POLR2M: variants seen among roughly 807,000 people sequenced by gnomAD.
POLR2M encodes the protein RNA polymerase II subunit M, also known as protein GRINL1A.
A neutral mutation model predicts 34.6 loss-of-function variants in POLR2M; 30 were observed. That is an observed-to-expected ratio of 0.87 (90% CI 0.65 to 1.18). POLR2M has a LOEUF of 1.18. Among genes scored for constraint, POLR2M ranks in the 50% most tolerant of loss-of-function variants. The pLI is 0.00. For missense variants in POLR2M, 432 were observed against 448.7 expected (o/e 0.96, Z 0.34); for synonymous variants, 150 against 166.7 (o/e 0.90, Z 0.77).
chr15:57,708,783 C>T lies in POLR2M; in HGVS notation c.183C>T (p.Ala61=), dbSNP rs1062707. Residue 61 remains alanine (A), a synonymous_variant, in exon 2 of 4, where the codon GCC becomes GCT. Coordinates refer to ENST00000299638, the MANE Select transcript of POLR2M (RefSeq NM_015532.5). The part of the protein sequence containing the change: ...IFDSFAKLKA[A]IAECEEVRRK... ...ACTCTTTTGCCAAACTGAAAGCTGC[C>T]ATTGCAGAATGTGAAGAAGTTAGAA... 0.72 allele frequency: 1,160,995 copies of T among 1,611,356 alleles called. 429,706 individuals carry two copies. The highest frequency in any genetic ancestry group is 0.76 in the Non-Finnish European group (900,736 of 1,179,154).
chr15:57,714,228 C>A (rs1336862772), intron 3 of POLR2M, among the ~76,000 whole-genome samples: 1 of 152,094 alleles, frequency 6.6e-6, no homozygotes, highest in Non-Finnish European at 1.5e-5. Flanking sequence ...CCATATTTAA[C>A]GCATCTGTAT....
intron 3 of POLR2M, among the ~76,000 whole-genome samples, 182 bp from the exon 4 acceptor site, chr15:57,714,354 C>G (rs1319450657): frequency 2.6e-5 from 4 of 152,098 alleles, no homozygotes; most frequent in Non-Finnish European, 5.9e-5. Flanking sequence ...AGGCTGGTGG[C>G]TGTCAGAAGC....
intron 2 of POLR2M, 24 bp downstream of exon 2, chr15:57,709,382 T>C (rs537765026): frequency 8.2e-6 from 13 of 1,587,106 alleles, no homozygotes; most frequent in Admixed American, 1.8e-5. Flanking sequence ...GAAACAGGCC[T>C]GTAACAGGAA....
rs1595983022 is a variant in POLR2M at position 57,709,301 on chromosome 15, T to C, written c.701T>C (p.Val234Ala). 6.2e-7 allele frequency: 1 copy of C among 1,614,104 alleles called. No individual in the cohort carries two copies. Among genetic ancestry groups the C allele is most frequent in the African/African-American group, 1.3e-5 (1 of 75,032 alleles). The change falls in exon 2 of 4, where the codon GTG becomes GCG. Residue 234 changes from valine to alanine, a missense_variant. By Grantham distance (64) the Val-to-Ala change is moderately conservative. Transcript: ENST00000299638. ...GAGAAGAAACCTCATTACATGGAAG[T>C]GCTAGAAATGCGAGCCAAAAACCCA... ...GTEKKPHYME[V>A]LEMRAKNPVP...
intron 1 of POLR2M, 130 bp from the exon 2 acceptor site, chr15:57,708,583 CA>C: frequency 1.3e-6 from 1 of 799,864 alleles, no homozygotes; most frequent in African/African-American, 1.8e-5. Context: ...TGTTTTGGGG[CA>C]GTTAGAAATC....
rs747550488 is a variant in POLR2M, at chr15:57,708,860, A to G, written c.260A>G (p.Lys87Arg). 18 of 1,613,904 alleles carry G rather than the reference A, an allele frequency of 1.1e-5. No homozygotes were observed. Among genetic ancestry groups the G allele is most frequent in the Non-Finnish European group, 1.4e-5 (17 of 1,179,896 alleles). The change falls in exon 2 of 4, where the codon AAA becomes AGA. Residue 87 changes from lysine to arginine, a missense_variant. Lys to Arg is a conservative substitution (Grantham distance 26). Transcript: ENST00000299638. The stretch of plus-strand genomic sequence containing the variant: ...AGTTTAGACTGTAAGCTAAGGCAAA[A>G]AGCAATTGCAGAAGTTGATGTGGGT... ...PVSLDCKLRQ[K>R]AIAEVDVGTD... is the part of the protein sequence containing the mutation.
intron 2 of POLR2M, among the ~76,000 whole-genome samples, chr15:57,711,108 A>G (rs1360995024): frequency 2.0e-5 from 3 of 152,044 alleles, no homozygotes; most frequent in African/African-American, 4.8e-5. Context: ...TTCCAAGGTG[A>G]TTTCCATATT....
chr15:57,708,145 A>G (rs1445548821), intron 1 of POLR2M, among the ~76,000 whole-genome samples: 1 of 152,218 alleles, frequency 6.6e-6, no homozygotes, highest in East Asian at 1.9e-4. Flanking sequence ...CCAAAGAGCT[A>G]TTTTATGTGT....
chr15:57,709,886 G>C (rs2040642901), intron 2 of POLR2M, among the ~76,000 whole-genome samples: 1 of 152,164 alleles, frequency 6.6e-6, no homozygotes, highest in Non-Finnish European at 1.5e-5. Flanking sequence ...TAAGGGTAAA[G>C]CAATTGCAGG....
intron 1 of POLR2M, 58 bp downstream of exon 1, chr15:57,707,013 G>T (rs1414317956): frequency 1.9e-5 from 29 of 1,551,958 alleles, no homozygotes; most frequent in Non-Finnish European, 2.5e-5. Flanking sequence ...CTCCCTGGGC[G>T]CTCCCCTCCC....
At chr15:57,713,008 G>T (rs1001026831) in intron 3 of POLR2M, among the ~76,000 whole-genome samples, 9 of 152,008 alleles carry the variant, frequency 5.9e-5, no homozygotes, top group African/African-American at 2.2e-4. Flanking sequence ...CGAGACCAGC[G>T]TGGGCAACAT....
Position 57,715,492 on chromosome 15 carries a change from T to C in POLR2M, c.*813T>C, listed in dbSNP as rs1289098742. ...CAGGAGAAGCCCAAGCTAACTGAGC[T>C]GGGTGAAGGCTTGTGCATCACCTGG... On this transcript the variant is annotated 3_prime_UTR_variant, in exon 4 of 4. Transcript: ENST00000299638. 2.5e-4 allele frequency: 38 copies of C among 152,322 alleles called. No individual in the cohort carries two copies. The highest frequency in any genetic ancestry group is 8.4e-4 in the African/African-American group (35 of 41,568). 9.4% of individuals were successfully genotyped at this position (152,322 alleles called of 1,614,324 possible). A position where few individuals can be genotyped will look rare whatever the true frequency, so the allele number is the denominator to read the frequency against.
At position 57,709,673 on chromosome 15, in the gene POLR2M, T is replaced by C. The variant is rs72745579; in HGVS notation, c.758+315T>C. Among the ~76,000 whole-genome samples the C allele has an allele frequency of 1.4e-3, 209 of 152,308 alleles. 1 individual carries two copies. Among genetic ancestry groups the C allele is most frequent in the African/African-American group, 4.7e-3 (196 of 41,554 alleles). ...AGTAGAAGATTCATGTTGAAAAATATTTAGTTTTGAAACCAAATAATCGAC... is the reference window on the plus strand; with the variant it reads ...AGTAGAAGATTCATGTTGAAAAATACTTAGTTTTGAAACCAAATAATCGAC... On this transcript the variant is annotated intron_variant, in intron 2 of 3. Transcript: ENST00000299638.
At chr15:57,711,465 C>CT (rs1277080573) in intron 2 of POLR2M, among the ~76,000 whole-genome samples, 1 of 152,202 alleles carries the variant, frequency 6.6e-6, no homozygotes. Context: ...AAAGCTGAGT[C>CT]TGTCTACCTT....
chr15:57,713,527 A>G (rs2040822159), intron 3 of POLR2M, among the ~76,000 whole-genome samples: 1 of 152,200 alleles, frequency 6.6e-6, no homozygotes, highest in Non-Finnish European at 1.5e-5. Flanking sequence ...AGTTCAAGAA[A>G]GCATGAGAAA....
intron 2 of POLR2M, among the ~76,000 whole-genome samples, chr15:57,711,164 C>G (rs2040695910): frequency 6.6e-6 from 1 of 152,170 alleles, no homozygotes. Context: ...CCTAAGGTAT[C>G]TTCGATTTTT....
At chr15:57,711,749 A>AC (rs1389244445) in intron 2 of POLR2M, among the ~76,000 whole-genome samples, 9 of 151,944 alleles carry the variant, frequency 5.9e-5, no homozygotes, top group African/African-American at 9.7e-5. Flanking sequence ...ATAAATGAAA[A>AC]AAAAAAAAAA....
chr15:57,707,212 T>G (rs1595980115), intron 1 of POLR2M: 4 of 1,429,300 alleles, frequency 2.8e-6, no homozygotes, highest in Non-Finnish European at 3.7e-6. Context: ...TAGCCCCTGG[T>G]CGGTTTTATT....
At chr15:57,707,123 C>T (rs1454432479) in intron 1 of POLR2M, 168 bp downstream of exon 1, 9 of 1,541,168 alleles carry the variant, frequency 5.8e-6, no homozygotes, top group African/African-American at 1.4e-5. Flanking sequence ...GCGGCAGAGC[C>T]GTGCCTCTTC....
Sources: gnomAD v4.1 joint callset for allele counts (sites outside exome capture counted in the v4.1 genomes callset) on GRCh38, gnomAD v4.1.1 for gene constraint, MANE v1.5 for transcripts, NCBI Gene and HGNC (gene_info 2026-07-23, HGNC 2026-07-21) for gene names.